GLMN: variants seen among roughly 807,000 people sequenced by gnomAD.
GLMN encodes glomulin, FKBP associated protein, also known as glomulin.
GLMN carries 75 observed loss-of-function variants against 87.8 expected under a neutral mutation model. The ratio of observed to expected loss-of-function variants is 0.85; its 90% CI spans 0.71 to 1.04. The LOEUF (loss-of-function observed/expected upper bound fraction) is 1.04. Ranked by LOEUF, GLMN falls within the 50% of genes least tolerant of loss-of-function variation. The pLI is 0.00. For synonymous variants in GLMN, 206 were observed against 221.6 expected, an observed-to-expected ratio of 0.93 and a Z score of 0.63; for missense variants, 588 against 658.8, an observed-to-expected ratio of 0.89 and a Z score of 1.18.
At chr1:92,299,492 G>A (rs1440566945), upstream of GLMN, among the ~76,000 whole-genome samples, 1 of 152,106 alleles carries the variant, frequency 6.6e-6, no homozygotes, top group Non-Finnish European at 1.5e-5. Context: ...ACCTAGGACC[G>A]GTCCTCCTTT....
chr1:92,305,432 C>CAAAAAAAAAAAAAAAAAAAAAA, the GLMN span, among the ~76,000 whole-genome samples: 85 of 52,654 alleles, frequency 1.6e-3, 2 homozygotes, highest in African/African-American at 5.3e-3. Flanking sequence ...GGCTCCGTCT[C>CAAAAAAAAAAAAAAAAAAAAAA]AAAAAAAAAA....
the GLMN span, chr1:92,324,129 T>A: frequency 6.2e-7 from 1 of 1,614,142 alleles, no homozygotes; most frequent in East Asian, 2.2e-5. Flanking sequence ...CCTCTCTGGT[T>A]AAAGAAGAAC....
intron 7 of GLMN, among the ~76,000 whole-genome samples, chr1:92,273,766 T>C (rs1325718462): frequency 1.3e-5 from 2 of 152,080 alleles, no homozygotes; most frequent in African/African-American, 4.8e-5. Flanking sequence ...TAAGATACCC[T>C]TTTTAAAACA....
intron 7 of GLMN, among the ~76,000 whole-genome samples, chr1:92,282,400 G>A (rs1648175088): frequency 6.6e-6 from 1 of 152,180 alleles, no homozygotes; most frequent in South Asian, 2.1e-4. Context: ...AATGAAGGCA[G>A]AAACAAAGAT....
intron 13 of GLMN, among the ~76,000 whole-genome samples, chr1:92,265,622 AG>A (rs1355869409): frequency 2.6e-5 from 4 of 152,078 alleles, no homozygotes; most frequent in African/African-American, 9.7e-5. Flanking sequence ...CAAAAAAATT[AG>A]CTGGGCATGA....
chr1:92,263,041 T>C, intron 15 of GLMN, 115 bp from the exon 16 acceptor site: 1 of 560,340 alleles, frequency 1.8e-6, no homozygotes. Flanking sequence ...TAGAAACTAT[T>C]TCCATTAATA....
the GLMN span, among the ~76,000 whole-genome samples, chr1:92,310,235 C>G: frequency 3.9e-5 from 6 of 152,242 alleles, no homozygotes; most frequent in African/African-American, 1.4e-4. Flanking sequence ...ACCTTAATTT[C>G]CAAATTCTTA....
intron 3 of GLMN, 143 bp downstream of exon 3, chr1:92,297,261 C>G (rs1650198550): frequency 1.7e-6 from 2 of 1,181,762 alleles, no homozygotes; most frequent in East Asian, 5.0e-5. Context: ...CTAAATATTT[C>G]TAATTCTTTT....
chr1:92,281,796 C>CAA (rs551428143), intron 7 of GLMN, among the ~76,000 whole-genome samples: 2 of 124,494 alleles, frequency 1.6e-5, no homozygotes, highest in Admixed American at 8.0e-5. Flanking sequence ...AAATGGAAAG[C>CAA]AAAAAAAAAA....
chr1:92,247,885 A>AT lies in GLMN; in HGVS notation c.1577dup (p.Asn526LysfsTer2). The AT allele has an allele frequency of 8.3e-7, 1 of 1,208,354 alleles. No homozygotes were observed. Among genetic ancestry groups the AT allele is most frequent in the Non-Finnish European group, 1.2e-6 (1 of 811,472 alleles). 74.9% of individuals were successfully genotyped at this position (1,208,354 alleles called of 1,614,324 possible). On this transcript the variant is annotated frameshift_variant, in exon 17 of 19. Coordinates refer to ENST00000370360, the MANE Select transcript of GLMN (RefSeq NM_053274.3). LOFTEE classifies it high-confidence loss of function. ...AAATTGCACATTACCAACCTTGGCTATTTTTAATTTCTGCTTCATAATGTG... is the reference window on the plus strand; with the variant it reads ...AAATTGCACATTACCAACCTTGGCTATTTTTTAATTTCTGCTTCATAATGTG...
At chr1:92,316,645 G>T in the GLMN span, among the ~76,000 whole-genome samples, 5 of 152,200 alleles carry the variant, frequency 3.3e-5, no homozygotes, top group East Asian at 9.7e-4. Flanking sequence ...TTTTTGTTTT[G>T]TAAACTGAGC....
In GLMN at chr1:92,271,612, A is replaced by C; in HGVS notation, c.776T>G (p.Ile259Ser). Residue 259 changes from isoleucine to serine, a missense_variant, in exon 8 of 19, where the codon ATT becomes AGT. Ile to Ser is a moderately radical substitution (Grantham distance 142, BLOSUM62 -2). Transcript: ENST00000370360. ...SAIGHPFPKM[I>S]FNHGRKKRTW... ...TCTCTTTTTCCTTCCATGATTAAAAATCATTTTGGGGAAAGGGTGTCCAAT... is the reference window on the plus strand; with the variant it reads ...TCTCTTTTTCCTTCCATGATTAAAACTCATTTTGGGGAAAGGGTGTCCAAT... 1 of 1,613,128 alleles carries C rather than the reference A, an allele frequency of 6.2e-7. No individual in the cohort carries two copies.
At chr1:92,312,925 G>A in the GLMN span, among the ~76,000 whole-genome samples, 1 of 151,926 alleles carries the variant, frequency 6.6e-6, no homozygotes, top group African/African-American at 2.4e-5. Flanking sequence ...CAGTTCAGTG[G>A]CGAAATCTCA....
chr1:92,355,499 G>C, the GLMN span, among the ~76,000 whole-genome samples: 1 of 152,164 alleles, frequency 6.6e-6, no homozygotes, highest in African/African-American at 2.4e-5. Flanking sequence ...TTTTGCAAAT[G>C]GAGTTCCATG....
At chr1:92,290,344 G>A (rs1649265687) in intron 4 of GLMN, 38 bp from the exon 5 acceptor site, 2 of 1,194,660 alleles carry the variant, frequency 1.7e-6, no homozygotes, top group Non-Finnish European at 2.5e-6. Context: ...TTTAATACAA[G>A]TTGTATTTAA....
the GLMN span, among the ~76,000 whole-genome samples, chr1:92,336,683 A>G: frequency 4.6e-5 from 7 of 152,192 alleles, no homozygotes; most frequent in Non-Finnish European, 1.0e-4. Flanking sequence ...AAGGAAAATT[A>G]TATCTATGAT....
At chr1:92,327,924 G>A in the GLMN span, among the ~76,000 whole-genome samples, 8 of 152,146 alleles carry the variant, frequency 5.3e-5, no homozygotes, top group South Asian at 6.2e-4. Flanking sequence ...CCTTAGTTTC[G>A]CTGGATACAA....
At chr1:92,294,440 T>C (rs1048149664) in intron 3 of GLMN, among the ~76,000 whole-genome samples, 3 of 152,154 alleles carry the variant, frequency 2.0e-5, no homozygotes, top group African/African-American at 7.2e-5. Context: ...CCAAACACTA[T>C]ATATAAATAC....
chr1:92,289,225 A>G, intron 5 of GLMN, 74 bp from the exon 6 acceptor site: 1 of 835,722 alleles, frequency 1.2e-6, no homozygotes, highest in African/African-American at 1.7e-5. Context: ...ATGTGGAATT[A>G]TAAGACACTT....
Sources: gnomAD v4.1 joint callset for allele counts (sites outside exome capture counted in the v4.1 genomes callset) on GRCh38, gnomAD v4.1.1 for gene constraint, MANE v1.5 for transcripts, NCBI Gene and HGNC (gene_info 2026-07-23, HGNC 2026-07-21) for gene names.